The following GRIK4 variants were observed in gnomAD, a reference collection of about 807,000 sequenced individuals.
The protein encoded by GRIK4 is glutamate receptor ionotropic, kainate 4.
GRIK4 carries 40 observed loss-of-function variants against 104.9 expected under a neutral mutation model. The observed-to-expected ratio is 0.38, with a 90% CI of 0.30 to 0.50. GRIK4 has a LOEUF of 0.50. GRIK4 is among the 20% of genes least tolerant of loss of function. The pLI, the probability that GRIK4 is intolerant of heterozygous loss-of-function variation, is 0.93. For missense variants in GRIK4, 1,047 were observed against 1,308.1 expected (o/e 0.80, Z 3.08); for synonymous variants, 485 against 524.9 (o/e 0.92, Z 1.04).
At chr11:120,602,333 C>T (rs1306341234) in intron 1 of GRIK4, among the ~76,000 whole-genome samples, 1 of 152,276 alleles carries the variant, frequency 6.6e-6, no homozygotes, top group East Asian at 1.9e-4. Flanking sequence ...AAACAGAGCC[C>T]TATAGGAATT....
At chr11:120,599,526 G>A (rs1948852985) in intron 1 of GRIK4, among the ~76,000 whole-genome samples, 1 of 152,156 alleles carries the variant, frequency 6.6e-6, no homozygotes, top group African/African-American at 2.4e-5. Context: ...AGGAAGGAAC[G>A]GTTCAGAAGA....
chr11:120,553,737 C>T (rs1239109565), intron 1 of GRIK4, among the ~76,000 whole-genome samples: 1 of 152,124 alleles, frequency 6.6e-6, no homozygotes, highest in Non-Finnish European at 1.5e-5. Context: ...AGGGAGCAGG[C>T]TGGGGGTGCA....
chr11:120,753,083 C>T (rs1951585699), intron 3 of GRIK4, among the ~76,000 whole-genome samples: 1 of 152,226 alleles, frequency 6.6e-6, no homozygotes, highest in South Asian at 2.1e-4. Flanking sequence ...CTCACCTCAT[C>T]GTGTCCTTTA....
Position 120,985,988 on chromosome 11 carries a change from G to C in GRIK4, c.2599G>C (p.Ala867Pro). The C allele has an allele frequency of 6.5e-7, 1 of 1,531,858 alleles. No homozygotes were observed. Among genetic ancestry groups the C allele is most frequent in the South Asian group, 1.2e-5 (1 of 82,676 alleles). 94.9% of individuals were successfully genotyped at this position (1,531,858 alleles called of 1,614,324 possible). A position where few individuals can be genotyped will look rare whatever the true frequency, so the allele number is the denominator to read the frequency against. The stretch of plus-strand genomic sequence containing the variant: ...TATCCACCCCCGCCGGCGGCGCGCC[G>C]CAGTCCCGCCGCCCCGGCCCCCCAT... ...DSIHPRRRRA[A>P]VPPPRPPIPE... The change falls in exon 21 of 21, where the codon GCA becomes CCA. Residue 867 changes from alanine (A) to proline (P), a missense_variant. Transcript: ENST00000527524.
At chr11:120,596,543 TG>T (rs1948803495) in intron 1 of GRIK4, among the ~76,000 whole-genome samples, 1 of 152,066 alleles carries the variant, frequency 6.6e-6, no homozygotes, top group South Asian at 2.1e-4. Flanking sequence ...TGTGTCTAGG[TG>T]TGTATGTCTA....
intron 14 of GRIK4, among the ~76,000 whole-genome samples, chr11:120,949,308 G>A (rs954664975): frequency 6.6e-6 from 1 of 152,164 alleles, no homozygotes; most frequent in African/African-American, 2.4e-5. Context: ...CCGTCTAAGA[G>A]CATCAGGGAT....
intron 7 of GRIK4, among the ~76,000 whole-genome samples, chr11:120,834,898 C>G (rs1006156053): frequency 6.6e-6 from 1 of 152,266 alleles, no homozygotes; most frequent in Non-Finnish European, 1.5e-5. Flanking sequence ...TGCCCCCAGC[C>G]TGTCGCTGTA....
chr11:120,862,884 T>C (rs7110011), intron 9 of GRIK4, among the ~76,000 whole-genome samples: 182 of 152,316 alleles, frequency 1.2e-3, no homozygotes, highest in African/African-American at 4.3e-3. Flanking sequence ...CAATATTTTA[T>C]TTTTAAAAGC....
intron 1 of GRIK4, among the ~76,000 whole-genome samples, chr11:120,649,386 A>G (rs921779854): frequency 2.0e-5 from 3 of 152,202 alleles, no homozygotes; most frequent in Admixed American, 6.5e-5. Flanking sequence ...AGAAGTGGCC[A>G]TGGACAGGAC....
chr11:120,658,222 T>A (rs527341797), intron 2 of GRIK4, among the ~76,000 whole-genome samples: 8 of 152,356 alleles, frequency 5.3e-5, no homozygotes, highest in African/African-American at 1.7e-4. Flanking sequence ...TGTCGATTAT[T>A]CATTTTCATT....
intron 1 of GRIK4, among the ~76,000 whole-genome samples, chr11:120,646,347 A>G (rs761278366): frequency 3.3e-5 from 5 of 152,224 alleles, no homozygotes; most frequent in African/African-American, 4.8e-5. Flanking sequence ...CACTTGTCCC[A>G]AGTCACATGA....
intron 9 of GRIK4, among the ~76,000 whole-genome samples, chr11:120,862,512 G>A (rs1342373775): frequency 6.6e-6 from 1 of 152,212 alleles, no homozygotes; most frequent in East Asian, 1.9e-4. Flanking sequence ...AATGGGATGT[G>A]GAGTGGGGAT....
At chr11:120,822,405 T>C (rs1953151704) in intron 6 of GRIK4, among the ~76,000 whole-genome samples, 1 of 152,028 alleles carries the variant, frequency 6.6e-6, no homozygotes, top group Non-Finnish European at 1.5e-5. Flanking sequence ...TAGTAAGTGG[T>C]AGAGCTTGGA....
In GRIK4 at chr11:120,988,451, G is replaced by A. The variant is rs1944793432; in HGVS notation, c.*2191G>A. The A allele has an allele frequency of 6.6e-6, 1 of 152,170 alleles. No homozygotes were observed. Among genetic ancestry groups the A allele is most frequent in the South Asian group, 2.1e-4 (1 of 4,824 alleles). The allele number at this position is 152,170 out of a possible 1,614,324, so 9.4% of individuals were successfully genotyped here. ...TTAAAAAAACTCGTTTTTATGAGCA[G>A]GCTATCTTGATCAATAGCAAACTTT... On this transcript the variant is annotated 3_prime_UTR_variant, in exon 21 of 21. Transcript: ENST00000527524.
intron 13 of GRIK4, among the ~76,000 whole-genome samples, chr11:120,918,453 TC>T (rs1167177230): frequency 6.6e-6 from 1 of 152,226 alleles, no homozygotes; most frequent in East Asian, 1.9e-4. Context: ...TTCATAGAGT[TC>T]ACATCCTGTA....
At chr11:120,651,488 C>T (rs932951562) in intron 1 of GRIK4, among the ~76,000 whole-genome samples, 1 of 152,176 alleles carries the variant, frequency 6.6e-6, no homozygotes, top group African/African-American at 2.4e-5. Flanking sequence ...TTCCTCATTC[C>T]TCTTGCTCCT....
At chr11:120,704,260 T>C (rs533139852) in intron 3 of GRIK4, among the ~76,000 whole-genome samples, 15 of 152,222 alleles carry the variant, frequency 9.9e-5, no homozygotes, top group Non-Finnish European at 2.1e-4. Flanking sequence ...CACTAGACTG[T>C]GGTCTTATGG....
intron 3 of GRIK4, among the ~76,000 whole-genome samples, chr11:120,668,878 A>G (rs757292497): frequency 6.6e-6 from 1 of 152,190 alleles, no homozygotes; most frequent in Non-Finnish European, 1.5e-5. Context: ...TCCCTGTTTT[A>G]TGCTTTTATA....
chr11:120,696,482 G>T (rs565553157), intron 3 of GRIK4, among the ~76,000 whole-genome samples: 5 of 139,218 alleles, frequency 3.6e-5, no homozygotes, highest in East Asian at 2.5e-4. Context: ...AGGTGTCAGT[G>T]GGGGGGCATG....
Sources: allele counts gnomAD v4.1 joint callset (sites outside exome capture counted in the v4.1 genomes callset), GRCh38; gene constraint gnomAD v4.1.1; transcripts MANE v1.5; gene names NCBI Gene and HGNC (gene_info 2026-07-23, HGNC 2026-07-21).